Variants in PTPN1 observed in about 807,000 individuals in gnomAD.
PTPN1 encodes protein tyrosine phosphatase non-receptor type 1.
PTPN1 carries 12 observed loss-of-function variants against 59.9 expected under a neutral mutation model. The observed-to-expected ratio is 0.20, with a 90% confidence interval of 0.13 to 0.32. PTPN1 has a LOEUF of 0.32. Among genes scored for constraint, PTPN1 ranks in the 10% least tolerant of loss-of-function variants. The pLI is 1.00. For missense variants in PTPN1, 356 were observed against 549.2 expected, an observed-to-expected ratio of 0.65 and a Z score of 3.52; for synonymous variants, 178 against 203.6, an observed-to-expected ratio of 0.87 and a Z score of 1.07.
chr20:50,576,092 C>A (rs578189623), intron 5 of PTPN1, among the ~76,000 whole-genome samples: 251 of 152,274 alleles, frequency 1.6e-3, no homozygotes, highest in African/African-American at 5.9e-3. Flanking sequence ...GAGTCACCAG[C>A]CCTGCCATAG....
intron 1 of PTPN1, among the ~76,000 whole-genome samples, chr20:50,548,754 C>T (rs1351107828): frequency 7.2e-5 from 11 of 152,056 alleles, no homozygotes; most frequent in Admixed American, 5.9e-4. Context: ...CTCGCTCTGT[C>T]GTGCCCAGGC....
At chr20:50,519,016 A>G (rs2082540385) in intron 1 of PTPN1, among the ~76,000 whole-genome samples, 1 of 152,120 alleles carries the variant, frequency 6.6e-6, no homozygotes, top group African/African-American at 2.4e-5. Flanking sequence ...ATATTCCTTC[A>G]TGTCTTACTG....
chr20:50,539,506 T>C (rs2082639303), intron 1 of PTPN1, among the ~76,000 whole-genome samples: 1 of 152,210 alleles, frequency 6.6e-6, no homozygotes, highest in East Asian at 1.9e-4. Context: ...ATTTTCTTTC[T>C]TTAAGGTAAA....
chr20:50,535,668 G>A (rs2082621464), intron 1 of PTPN1, among the ~76,000 whole-genome samples: 1 of 152,092 alleles, frequency 6.6e-6, no homozygotes, highest in Admixed American at 6.5e-5. Context: ...CCTTTTTAAT[G>A]CTTAGACATT....
chr20:50,546,496 G>T (rs1194759617), intron 1 of PTPN1, among the ~76,000 whole-genome samples: 2 of 152,186 alleles, frequency 1.3e-5, no homozygotes, highest in Non-Finnish European at 2.9e-5. Context: ...TTACCCCTCA[G>T]ATGGTATGTA....
At chr20:50,570,717 T>C (rs2082803977) in intron 4 of PTPN1, among the ~76,000 whole-genome samples, 1 of 152,236 alleles carries the variant, frequency 6.6e-6, no homozygotes, top group Non-Finnish European at 1.5e-5. Flanking sequence ...GATCATTGTC[T>C]GCTAGGGATC....
At chr20:50,552,944 C>G (rs993008238) in intron 1 of PTPN1, among the ~76,000 whole-genome samples, 1 of 152,110 alleles carries the variant, frequency 6.6e-6, no homozygotes, top group Non-Finnish European at 1.5e-5. Context: ...TCTTTTGTGA[C>G]CATCCTACTT....
chr20:50,524,567 G>GTTTTTTTTTTTTTTTT (rs1386022104), intron 1 of PTPN1, among the ~76,000 whole-genome samples: 2 of 64,112 alleles, frequency 3.1e-5, no homozygotes, highest in Non-Finnish European at 6.2e-5. Context: ...CCATTATGTG[G>GTTTTTTTTTTTTTTTT]TCTTTTTTTT....
At chr20:50,547,564 A>G (rs572814679) in intron 1 of PTPN1, among the ~76,000 whole-genome samples, 23 of 152,168 alleles carry the variant, frequency 1.5e-4, no homozygotes, top group Non-Finnish European at 2.2e-4. Context: ...GGGTTTCACT[A>G]TGCTGGTCAG....
intron 1 of PTPN1, among the ~76,000 whole-genome samples, chr20:50,520,625 GGGTA>G (rs1273976183): frequency 6.6e-6 from 1 of 152,172 alleles, no homozygotes; most frequent in Non-Finnish European, 1.5e-5. Flanking sequence ...TTGCTCCTAA[GGGTA>G]GGTGCCTGTA....
At chr20:50,570,351 T>A (rs562759349) in intron 4 of PTPN1, among the ~76,000 whole-genome samples, 1 of 152,200 alleles carries the variant, frequency 6.6e-6, no homozygotes, top group Non-Finnish European at 1.5e-5. Context: ...CCTTGCCTAC[T>A]TTTTAAAAAA....
intron 1 of PTPN1, among the ~76,000 whole-genome samples, chr20:50,528,557 T>C (rs984346588): frequency 6.6e-5 from 10 of 151,656 alleles, no homozygotes; most frequent in Non-Finnish European, 1.5e-4. Context: ...CTACTAAAAA[T>C]ACAAAAATTA....
rs973716984 is a variant in PTPN1 at position 50,583,856 on chromosome 20, C to G, written c.*1141C>G. On this transcript the variant is annotated 3_prime_UTR_variant, in exon 10 of 10. Transcript: ENST00000371621. ...ATGATTTAGGGAAGCAGGGACACCC[C>G]CCGCCCCCCACCTTTGGGATCAGCC... 1 of 153,034 alleles carries G rather than the reference C, an allele frequency of 6.5e-6. No individual in the cohort carries two copies. The highest frequency in any genetic ancestry group is 6.5e-5 in the Admixed American group (1 of 15,288). 9.5% of individuals were successfully genotyped at this position (153,034 alleles called of 1,614,324 possible).
intron 1 of PTPN1, among the ~76,000 whole-genome samples, chr20:50,550,123 A>G (rs1167789004): frequency 2.6e-5 from 4 of 152,162 alleles, no homozygotes; most frequent in African/African-American, 9.7e-5. Flanking sequence ...GTTCCAGGAA[A>G]TGTACACTGT....
Position 50,582,627 on chromosome 20 carries a change from T to C in PTPN1, c.1285-65T>C. Reference sequence around the variant, plus strand: ...TTGCCGGGGGGTGTGGCCGGGGTCATGCATGAGGCGACAGCTCTGCAGGTG... The same window carrying C: ...TTGCCGGGGGGTGTGGCCGGGGTCACGCATGAGGCGACAGCTCTGCAGGTG... On this transcript the variant is annotated intron_variant, in intron 9 of 9. Transcript: ENST00000371621. The surrounding 1 kb of genome is among the most constrained non-coding windows in gnomAD (Gnocchi z 4.2). The C allele has an allele frequency of 6.3e-7, 1 of 1,582,276 alleles. No homozygotes were observed. Among genetic ancestry groups the C allele is most frequent in the Non-Finnish European group, 8.6e-7 (1 of 1,157,220 alleles).
At chr20:50,564,884 C>A in intron 2 of PTPN1, 85 bp from the exon 3 acceptor site, 1 of 1,573,874 alleles carries the variant, frequency 6.4e-7, no homozygotes, top group Non-Finnish European at 8.6e-7. Context: ...CACCAACTCA[C>A]CTTTGCTTTT....
chr20:50,578,316 C>T (rs2122802196), intron 5 of PTPN1, 104 bp from the exon 6 acceptor site: 1 of 944,902 alleles, frequency 1.1e-6, no homozygotes, highest in East Asian at 2.5e-5. Context: ...ATGAATGTTC[C>T]TCTTAGAGGT....
chr20:50,566,098 G>A (rs1380285340), intron 3 of PTPN1, among the ~76,000 whole-genome samples: 1 of 152,174 alleles, frequency 6.6e-6, no homozygotes, highest in Non-Finnish European at 1.5e-5. Flanking sequence ...AGTTCTTGGT[G>A]CATGGATACA....
intron 5 of PTPN1, chr20:50,578,070 A>G (rs6020611): frequency 0.62 from 111,182 of 178,794 alleles, 34,759 homozygotes; most frequent in Middle Eastern, 0.76. Context: ...GCTTTATGAC[A>G]AGATTTTATG....
Sources: gnomAD v4.1 joint callset for allele counts (sites outside exome capture counted in the v4.1 genomes callset) on GRCh38, gnomAD v4.1.1 for gene constraint, Gnocchi (gnomAD v3.1) non-coding constraint, MANE v1.5 for transcripts, NCBI Gene and HGNC (gene_info 2026-07-23, HGNC 2026-07-21) for gene names.